Variants in COL5A2 observed in about 807,000 individuals in gnomAD.
The protein encoded by COL5A2 is collagen type V alpha 2 chain, also known as collagen alpha-2(V) chain.
Under a neutral mutation model 208.2 loss-of-function variants are expected in COL5A2, and 23 were observed. The observed-to-expected ratio is 0.11, with a 90% confidence interval of 0.08 to 0.16. The LOEUF (loss-of-function observed/expected upper bound fraction) is 0.16. Among genes scored for constraint, COL5A2 ranks in the 10% least tolerant of loss-of-function variants. The probability of loss-of-function intolerance (pLI) is 1.00; values close to 1 mark genes in which losing one functional copy is unlikely to be tolerated. For synonymous variants in COL5A2, 625 were observed against 628.5 expected (o/e 0.99, Z 0.08); for missense variants, 1,590 against 1,956.4 (o/e 0.81, Z 3.53).
chr2:189,069,960 G>A (rs1310220553), intron 18 of COL5A2, among the ~76,000 whole-genome samples: 1 of 152,124 alleles, frequency 6.6e-6, no homozygotes, highest in African/African-American at 2.4e-5. Flanking sequence ...ATACTTCTTT[G>A]ATAAGAATTA....
chr2:189,263,130 G>C, the COL5A2 span, among the ~76,000 whole-genome samples: 1 of 152,034 alleles, frequency 6.6e-6, no homozygotes, highest in Non-Finnish European at 1.5e-5. Context: ...AGGAAATAAA[G>C]CATCTCCAAT....
the COL5A2 span, among the ~76,000 whole-genome samples, chr2:189,343,543 CA>C: frequency 7.2e-3 from 1,101 of 152,150 alleles, 15 homozygotes; most frequent in African/African-American, 0.025. Flanking sequence ...TTAAATTACA[CA>C]AAAAGTTCAC....
the COL5A2 span, chr2:189,311,732 G>A: frequency 1.3e-6 from 1 of 764,348 alleles, no homozygotes; most frequent in Admixed American, 1.8e-5. Flanking sequence ...TCCTCAATCT[G>A]CTGAGACCAG....
intron 4 of COL5A2, among the ~76,000 whole-genome samples, chr2:189,099,255 AG>A (rs2105688021): frequency 6.6e-6 from 1 of 150,676 alleles, no homozygotes; most frequent in African/African-American, 2.4e-5. Context: ...TTTAAGTTTT[AG>A]GTAATCTTCG....
the COL5A2 span, among the ~76,000 whole-genome samples, chr2:189,357,884 G>T: frequency 6.6e-6 from 1 of 152,112 alleles, no homozygotes; most frequent in Non-Finnish European, 1.5e-5. Context: ...TGGTCTGTGG[G>T]TTGTGAAGAC....
At chr2:189,076,987 G>A (rs1400504781) in intron 16 of COL5A2, among the ~76,000 whole-genome samples, 2 of 152,046 alleles carry the variant, frequency 1.3e-5, no homozygotes, top group Non-Finnish European at 2.9e-5. Flanking sequence ...TATCGCTTGA[G>A]CCCAGGAGTT....
At chr2:189,257,676 A>G in the COL5A2 span, among the ~76,000 whole-genome samples, 1 of 152,232 alleles carries the variant, frequency 6.6e-6, no homozygotes, top group South Asian at 2.1e-4. Context: ...AAGAAAAATA[A>G]GATACCTGTT....
At chr2:189,229,454 T>C (rs1689455512), upstream of COL5A2, among the ~76,000 whole-genome samples, 1 of 149,698 alleles carries the variant, frequency 6.7e-6, no homozygotes, top group African/African-American at 2.5e-5. Flanking sequence ...AAAAAAAACC[T>C]ATTAGATCTA....
chr2:189,412,268 G>T, the COL5A2 span, among the ~76,000 whole-genome samples: 1 of 152,058 alleles, frequency 6.6e-6, no homozygotes, highest in African/African-American at 2.4e-5. Flanking sequence ...ATAGTAGAGA[G>T]GGAAAAGACA....
the COL5A2 span, among the ~76,000 whole-genome samples, chr2:189,313,403 G>T: frequency 7.9e-5 from 12 of 152,218 alleles, no homozygotes; most frequent in Non-Finnish European, 1.3e-4. Flanking sequence ...GAGAGAACTT[G>T]TTACCTCCAA....
chr2:189,177,673 G>C (rs951019472), intron 1 of COL5A2, among the ~76,000 whole-genome samples: 1 of 152,052 alleles, frequency 6.6e-6, no homozygotes, highest in Non-Finnish European at 1.5e-5. Context: ...TGTTCGCGGG[G>C]GGTACTGGGG....
the COL5A2 span, among the ~76,000 whole-genome samples, chr2:189,433,881 A>G: frequency 6.6e-6 from 1 of 152,224 alleles, no homozygotes; most frequent in Non-Finnish European, 1.5e-5. Context: ...CACAACAAAA[A>G]AAGAGAATTT....
At chr2:189,282,869 C>G in the COL5A2 span, among the ~76,000 whole-genome samples, 1 of 152,062 alleles carries the variant, frequency 6.6e-6, no homozygotes, top group Non-Finnish European at 1.5e-5. Context: ...ATCTTTAACA[C>G]TCTAGAAATA....
the COL5A2 span, among the ~76,000 whole-genome samples, chr2:189,368,640 AGAT>A: frequency 6.6e-6 from 1 of 152,202 alleles, no homozygotes; most frequent in Non-Finnish European, 1.5e-5. Context: ...TGCATTCATT[AGAT>A]AAAGTTAACT....
At chr2:189,380,647 T>A in the COL5A2 span, among the ~76,000 whole-genome samples, 2 of 151,414 alleles carry the variant, frequency 1.3e-5, no homozygotes, top group African/African-American at 2.4e-5. Flanking sequence ...AATATAAAAA[T>A]TTTTTTAAAA....
In COL5A2 at chr2:189,080,981, T is replaced by C. The variant is rs761662868; in HGVS notation, c.906+9A>G. 145 of 1,611,468 alleles carry C rather than the reference T, an allele frequency of 9.0e-5. No individual in the cohort carries two copies. Among genetic ancestry groups the C allele is most frequent in the African/African-American group, 2.4e-4 (18 of 74,800 alleles). On this transcript the variant is annotated intron_variant, in intron 13 of 53. Transcript: ENST00000374866. ...AGTATCTGAGAGGATTACAATAGATTGAACTTACTCGGTGACCCTTCAGAC... is the reference window on the plus strand; with the variant it reads ...AGTATCTGAGAGGATTACAATAGATCGAACTTACTCGGTGACCCTTCAGAC...
chr2:189,367,894 T>C, the COL5A2 span, among the ~76,000 whole-genome samples: 18 of 152,334 alleles, frequency 1.2e-4, no homozygotes, highest in South Asian at 3.7e-3. Context: ...AGCAGCCATC[T>C]GTTTTTATGG....
the COL5A2 span, among the ~76,000 whole-genome samples, chr2:189,435,156 A>G: frequency 1.3e-5 from 2 of 152,176 alleles, no homozygotes; most frequent in African/African-American, 4.8e-5. Context: ...CCTTCCTTAC[A>G]CCTTATACAA....
chr2:189,191,152 C>CCAAAAA (rs770924497), intron 1 of COL5A2, among the ~76,000 whole-genome samples: 2 of 21,064 alleles, frequency 9.5e-5, no homozygotes, highest in East Asian at 1.8e-3. Flanking sequence ...AAAAAAAAAA[C>CCAAAAA]AAAAAACAAA....
Sources: allele counts gnomAD v4.1 joint callset (sites outside exome capture counted in the v4.1 genomes callset), GRCh38; gene constraint gnomAD v4.1.1; transcripts MANE v1.5; gene names NCBI Gene and HGNC (gene_info 2026-07-23, HGNC 2026-07-21).